The following LGALS14 variants were observed in gnomAD, a reference collection of about 807,000 sequenced individuals.
LGALS14 encodes the protein placental protein 13-like.
A neutral mutation model predicts 14.6 loss-of-function variants in LGALS14; 14 were observed. The observed-to-expected ratio is 0.96, with a 90% confidence interval of 0.64 to 1.50. The LOEUF is 1.50. Ranked by LOEUF, LGALS14 falls within the 40% of genes most tolerant of loss-of-function variation. The pLI, the probability that LGALS14 is intolerant of heterozygous loss-of-function variation, is 0.00. For synonymous variants in LGALS14, 57 were observed against 63.9 expected (o/e 0.89, Z 0.51); for missense variants, 180 against 172.0 (o/e 1.05, Z -0.26).
intron 1 of LGALS14, chr19:39,705,595 C>A: frequency 7.7e-6 from 2 of 258,126 alleles, no homozygotes; most frequent in South Asian, 9.2e-5. Flanking sequence ...ATAATCCCAC[C>A]AATTTGGGAG....
At chr19:39,705,180 G>A (rs1973696029) in intron 1 of LGALS14, among the ~76,000 whole-genome samples, 1 of 152,144 alleles carries the variant, frequency 6.6e-6, no homozygotes, top group South Asian at 2.1e-4. Context: ...AGTTACCAAG[G>A]ACTCGTTTCA....
rs372888191 is a variant in LGALS14, at chr19:39,708,818, A to AAAG, written c.304-378_304-376dup. 1.1e-3 allele frequency among the ~76,000 whole-genome samples: 163 copies of AAAG among 152,310 alleles called. 3 individuals are homozygous for AAAG. The highest frequency in any genetic ancestry group is 3.8e-3 in the African/African-American group (157 of 41,566). On this transcript the variant is annotated intron_variant, in intron 3 of 3. Transcript: ENST00000392052. ...AGGCAGTCACAGTTCATGGAACTGA[A>AAAG]AAGTATGCATTCAATGAACATGGCC...
At chr19:39,707,059 C>A in intron 2 of LGALS14, 119 bp from the exon 3 acceptor site, 1 of 756,636 alleles carries the variant, frequency 1.3e-6, no homozygotes. Flanking sequence ...ACCAGGACTG[C>A]AGTATCATCG....
chr19:39,706,486 G>T, intron 1 of LGALS14, 111 bp from the exon 2 acceptor site: 1 of 755,110 alleles, frequency 1.3e-6, no homozygotes, highest in Non-Finnish European at 2.3e-6. Flanking sequence ...AAAGGGGAGA[G>T]GCCTCAGAGT....
At position 39,709,381 on chromosome 19, in the gene LGALS14, C is replaced by T; in HGVS notation, c.*68C>T. 1 of 896,878 alleles carries T rather than the reference C, an allele frequency of 1.1e-6. No homozygotes were observed. The highest frequency in any genetic ancestry group is 1.9e-6 in the Non-Finnish European group (1 of 536,508). The allele number at this position is 896,878 out of a possible 1,614,324, so 55.6% of individuals were successfully genotyped here. A position where few individuals can be genotyped will look rare whatever the true frequency, so the allele number is the denominator to read the frequency against. ...TACCTGACCATGGGATTCCCAGAGC[C>T]TACTAACAGAATAATCCCTCCTCAC... On this transcript the variant is annotated 3_prime_UTR_variant, in exon 4 of 4. Transcript: ENST00000392052.
At chr19:39,708,488 G>A (rs559407799) in intron 3 of LGALS14, among the ~76,000 whole-genome samples, 3 of 152,204 alleles carry the variant, frequency 2.0e-5, no homozygotes, top group East Asian at 3.9e-4. Flanking sequence ...GCTCAAAAAT[G>A]TGTAAATTTT....
intron 3 of LGALS14, among the ~76,000 whole-genome samples, chr19:39,708,559 A>G (rs1973752612): frequency 1.3e-5 from 2 of 152,268 alleles, no homozygotes; most frequent in Non-Finnish European, 2.9e-5. Flanking sequence ...TAAGGAATAT[A>G]TCCATAGTTT....
chr19:39,708,872 C>T (rs1047498250), intron 3 of LGALS14, among the ~76,000 whole-genome samples: 10 of 152,296 alleles, frequency 6.6e-5, no homozygotes, highest in African/African-American at 1.9e-4. Context: ...AGGTCCTGTG[C>T]GAGATGCAGG....
At chr19:39,705,701 G>A in intron 1 of LGALS14, 1 of 506,386 alleles carries the variant, frequency 2.0e-6, no homozygotes, top group Non-Finnish European at 3.5e-6. Flanking sequence ...TATCTGACTG[G>A]CAGAGTGGCA....
chr19:39,705,749 G>A lies in LGALS14; in HGVS notation c.16-848G>A, dbSNP rs900504781. The A allele has an allele frequency of 4.1e-6, 3 of 729,958 alleles. No homozygotes were observed. In the African/African-American group the frequency reaches 5.3e-5, roughly 13 times the overall value. The allele number at this position is 729,958 out of a possible 1,614,324, so 45.2% of individuals were successfully genotyped here. A position where few individuals can be genotyped will look rare whatever the true frequency, so the allele number is the denominator to read the frequency against. ...CCCAGCTACACAAGAGGGGGCAGATGTGTGAGGATCACTGCAGTCCAGGAG... is the reference window on the plus strand; with the variant it reads ...CCCAGCTACACAAGAGGGGGCAGATATGTGAGGATCACTGCAGTCCAGGAG... On this transcript the variant is annotated intron_variant, in intron 1 of 3. Transcript: ENST00000392052.
rs1568493918 is a variant in LGALS14, at chr19:39,707,158, G to A, written c.93-20G>A. On this transcript the variant is annotated intron_variant, in intron 2 of 3. Transcript: ENST00000392052. Reference sequence around the variant, plus strand: ...CACAATGGGGGGACCTGCCCAACATGCTGTGTGCTTTGACCTCAGCAAGGA... The same window carrying A: ...CACAATGGGGGGACCTGCCCAACATACTGTGTGCTTTGACCTCAGCAAGGA... 1.3e-6 allele frequency: 2 copies of A among 1,590,418 alleles called. No individual in the cohort carries two copies. The highest frequency in any genetic ancestry group is 2.2e-5 in the East Asian group (1 of 44,636).
In LGALS14 at chr19:39,707,353, G is replaced by A. The variant is rs747348647; in HGVS notation, c.268G>A (p.Glu90Lys). 6.2e-7 allele frequency: 1 copy of A among 1,613,968 alleles called. No individual in the cohort carries two copies. Among genetic ancestry groups the A allele is most frequent in the African/African-American group, 1.3e-5 (1 of 74,914 alleles). The change falls in exon 3 of 4, where the codon GAG becomes AAG. Residue 90 changes from glutamate (E) to lysine (K), a missense_variant. Glu to Lys is a moderately conservative substitution (Grantham distance 56, BLOSUM62 1). Coordinates refer to ENST00000392052, the MANE Select transcript of LGALS14 (RefSeq NM_020129.3). ...YLPFEDGKPF[E>K]LCIYVRHKEY... ...ACCCTTTGAAGATGGCAAACCATTTGAGCTGTGCATCTATGTGCGTCACAA... is the reference window on the plus strand; with the variant it reads ...ACCCTTTGAAGATGGCAAACCATTTAAGCTGTGCATCTATGTGCGTCACAA...
At chr19:39,706,744 A>T in intron 2 of LGALS14, 71 bp downstream of exon 2, 2 of 1,288,586 alleles carry the variant, frequency 1.6e-6, no homozygotes, top group Non-Finnish European at 2.3e-6. Context: ...GTTTAACCTT[A>T]TGTGTGAGTG....
chr19:39,705,614 G>C, intron 1 of LGALS14: 1 of 262,658 alleles, frequency 3.8e-6, no homozygotes, highest in South Asian at 4.8e-5. Context: ...AGGCAAAGAT[G>C]GGAGGGTAAC....
At chr19:39,708,882 G>A (rs1973757018) in intron 3 of LGALS14, among the ~76,000 whole-genome samples, 1 of 152,284 alleles carries the variant, frequency 6.6e-6, no homozygotes, top group South Asian at 2.1e-4. Flanking sequence ...CGAGATGCAG[G>A]GTCTCAAGTT....
rs111361406 is a variant in LGALS14, at chr19:39,709,216, G to T, written c.323G>T (p.Arg108Leu). ...TTGTAGGTAATGGTAAATGGCCAAC[G>T]CATTTACAACTTTGCCCATCGATTC... Reference protein sequence around the residue: ...KEYKVMVNGQRIYNFAHRFPP... With the variant: ...KEYKVMVNGQLIYNFAHRFPP... The change falls in exon 4 of 4, where the codon CGC becomes CTC. Residue 108 changes from arginine (R) to leucine (L), a missense_variant. By Grantham distance (102) the Arg-to-Leu change is moderately radical. Transcript: ENST00000392052. 2 of 1,611,664 alleles carry T rather than the reference G, an allele frequency of 1.2e-6. No homozygotes were observed. The highest frequency in any genetic ancestry group is 2.2e-5 in the East Asian group (1 of 44,838).
chr19:39,705,164 A>G (rs916014046), intron 1 of LGALS14, among the ~76,000 whole-genome samples: 19 of 152,110 alleles, frequency 1.2e-4, no homozygotes, highest in African/African-American at 4.3e-4. Flanking sequence ...GATCTTGGGG[A>G]TTGTGAGTTA....
intron 1 of LGALS14, chr19:39,705,988 T>G: frequency 6.2e-7 from 1 of 1,613,910 alleles, no homozygotes; most frequent in Non-Finnish European, 8.5e-7. Flanking sequence ...GGGAAGGACG[T>G]CCATTGCCCT....
chr19:39,708,490 G>A (rs1051703892), intron 3 of LGALS14, among the ~76,000 whole-genome samples: 36 of 152,072 alleles, frequency 2.4e-4, no homozygotes, highest in African/African-American at 8.5e-4. Context: ...TCAAAAATGT[G>A]TAAATTTTAA....
Sources: gnomAD v4.1 joint callset for allele counts (sites outside exome capture counted in the v4.1 genomes callset) on GRCh38, gnomAD v4.1.1 for gene constraint, MANE v1.5 for transcripts, NCBI Gene and HGNC (gene_info 2026-07-23, HGNC 2026-07-21) for gene names.